Variants in SRPK2 observed in about 807,000 individuals in gnomAD.
SRPK2 encodes the protein SFRS protein kinase 2.
A neutral mutation model predicts 90.8 loss-of-function variants in SRPK2; 21 were observed. The observed-to-expected ratio is 0.23, with a 90% CI of 0.16 to 0.33. The LOEUF (loss-of-function observed/expected upper bound fraction) is 0.33, where lower values mean the gene tolerates loss of function less well. Ranked by LOEUF, SRPK2 falls within the 10% of genes least tolerant of loss-of-function variation. The pLI is 1.00. For missense variants in SRPK2, 620 were observed against 869.0 expected, an observed-to-expected ratio of 0.71 and a Z score of 3.60; for synonymous variants, 288 against 311.1, an observed-to-expected ratio of 0.93 and a Z score of 0.78.
intron 2 of SRPK2, among the ~76,000 whole-genome samples, chr7:105,269,477 G>A (rs554606000): frequency 1.6e-4 from 24 of 152,232 alleles, no homozygotes; most frequent in African/African-American, 4.8e-4. Context: ...AGAGACTTCT[G>A]ATTTTATACC....
rs1175577308 is a variant in SRPK2, at chr7:105,117,944, T to C, written c.1994A>G (p.Glu665Gly). The C allele has an allele frequency of 6.2e-7, 1 of 1,614,206 alleles. No individual in the cohort carries two copies. Among genetic ancestry groups the C allele is most frequent in the Admixed American group, 1.7e-5 (1 of 60,032 alleles). The change falls in exon 16 of 16, where the codon GAA (glutamate) becomes GGA (glycine). Residue 665 changes from glutamate (E) to glycine (G), a missense_variant. This residue lies in a region of SRPK2 where 71 missense variants were observed against 123.1 expected (regional missense o/e 0.58). Coordinates refer to ENST00000393651, the MANE Select transcript of SRPK2 (RefSeq NM_182692.3). ...GAAATCTGTAAACTGTGCAGCATCTTCATGGGGCCAGCCATACTTTTCCAC... is the reference window on the plus strand; with the variant it reads ...GAAATCTGTAAACTGTGCAGCATCTCCATGGGGCCAGCCATACTTTTCCAC... ...VLVEKYGWPH[E>G]DAAQFTDFLI... is the part of the protein sequence containing the mutation.
chr7:105,198,326 T>G (rs920585630), intron 3 of SRPK2, among the ~76,000 whole-genome samples: 1 of 147,154 alleles, frequency 6.8e-6, no homozygotes, highest in Admixed American at 6.9e-5. Context: ...AAAAGGAGGT[T>G]TGGCTGTGAC....
At chr7:105,244,667 C>G (rs1223230159) in intron 2 of SRPK2, 2 of 1,020,196 alleles carry the variant, frequency 2.0e-6, no homozygotes, top group Non-Finnish European at 3.0e-6. Context: ...TCTGCGCTAC[C>G]CTATGGCCGT....
At chr7:105,234,809 A>AG (rs1298359290) in intron 2 of SRPK2, among the ~76,000 whole-genome samples, 2 of 152,182 alleles carry the variant, frequency 1.3e-5, no homozygotes, top group African/African-American at 4.8e-5. Context: ...GGAAAAAAAA[A>AG]GGTTCAGTGT....
intron 2 of SRPK2, among the ~76,000 whole-genome samples, chr7:105,367,856 A>G (rs905813002): frequency 6.6e-6 from 1 of 152,210 alleles, no homozygotes; most frequent in Non-Finnish European, 1.5e-5. Context: ...AAATATTTCT[A>G]GGGTACATAG....
At chr7:105,343,608 T>A (rs953396966) in intron 2 of SRPK2, among the ~76,000 whole-genome samples, 7 of 152,126 alleles carry the variant, frequency 4.6e-5, no homozygotes, top group Admixed American at 1.3e-4. Flanking sequence ...TGTTCATACA[T>A]CCTTTAATTT....
chr7:105,384,880 CCT>C (rs1491395354), intron 2 of SRPK2, among the ~76,000 whole-genome samples: 1 of 145,736 alleles, frequency 6.9e-6, no homozygotes, highest in Non-Finnish European at 1.5e-5. Context: ...CACATAGCAA[CCT>C]TTTTTTTTTT....
intron 2 of SRPK2, among the ~76,000 whole-genome samples, chr7:105,361,248 C>T (rs1818388933): frequency 6.6e-6 from 1 of 152,080 alleles, no homozygotes; most frequent in African/African-American, 2.4e-5. Context: ...AATACAATAC[C>T]TAGGAATCCA....
intron 15 of SRPK2, among the ~76,000 whole-genome samples, chr7:105,118,605 A>G (rs542066572): frequency 6.6e-6 from 1 of 152,208 alleles, no homozygotes; most frequent in Non-Finnish European, 1.5e-5. Flanking sequence ...GAGAAAAAAA[A>G]GGTTATTTTT....
chr7:105,297,390 C>T, intron 2 of SRPK2: 1 of 875,428 alleles, frequency 1.1e-6, no homozygotes, highest in Non-Finnish European at 1.4e-6. Flanking sequence ...ACAGCTATCA[C>T]GTTTTCACTA....
At chr7:105,390,011 C>T (rs1233643319), upstream of SRPK2, among the ~76,000 whole-genome samples, 1 of 152,140 alleles carries the variant, frequency 6.6e-6, no homozygotes, top group African/African-American at 2.4e-5. Context: ...AAGGAAAATA[C>T]AATTAACAGC....
intron 15 of SRPK2, among the ~76,000 whole-genome samples, chr7:105,119,461 T>C (rs1337397693): frequency 1.3e-5 from 2 of 152,200 alleles, no homozygotes; most frequent in Non-Finnish European, 2.9e-5. Flanking sequence ...CACTAGTATG[T>C]CTACAAAGTT....
At chr7:105,314,858 A>G (rs948748084) in intron 2 of SRPK2, among the ~76,000 whole-genome samples, 5 of 152,258 alleles carry the variant, frequency 3.3e-5, no homozygotes, top group African/African-American at 1.2e-4. Context: ...AATGTAGTGA[A>G]ATCTCATTAA....
intron 3 of SRPK2, among the ~76,000 whole-genome samples, chr7:105,190,912 C>A (rs1351555877): frequency 6.6e-6 from 1 of 152,306 alleles, no homozygotes; most frequent in Middle Eastern, 3.4e-3. Context: ...AACATTATTT[C>A]ACCTTGTTTA....
At chr7:105,150,393 G>A (rs977005124) in intron 7 of SRPK2, among the ~76,000 whole-genome samples, 2 of 152,176 alleles carry the variant, frequency 1.3e-5, no homozygotes, top group African/African-American at 4.8e-5. Context: ...TAGTGGCACA[G>A]GCAAGGTAGC....
At chr7:105,118,116 C>A in intron 15 of SRPK2, 94 bp from the exon 16 acceptor site, 1 of 1,293,466 alleles carries the variant, frequency 7.7e-7, no homozygotes, top group African/African-American at 1.5e-5. Flanking sequence ...AAGCGGACAA[C>A]CACCTGCTCA....
intron 3 of SRPK2, among the ~76,000 whole-genome samples, chr7:105,195,444 T>C (rs773809686): frequency 6.6e-6 from 1 of 152,260 alleles, no homozygotes; most frequent in African/African-American, 2.4e-5. Context: ...TTTTTGGTAA[T>C]ATTTTGAAGT....
At position 105,119,109 on chromosome 7, in the gene SRPK2, G is replaced by C. The variant is rs145682424; in HGVS notation, c.1916-1087C>G. 2.2e-3 allele frequency among the ~76,000 whole-genome samples: 336 copies of C among 151,790 alleles called. 1 individual carries two copies. The highest frequency in any genetic ancestry group is 7.8e-3 in the African/African-American group (323 of 41,380). On this transcript the variant is annotated intron_variant, in intron 15 of 15. Transcript: ENST00000393651. ...CCCCCTGTGCCCACACCTCAGAGCA[G>C]CCAGGTCTCGGTGGGGGGAGAGAGG... is the stretch of plus-strand genomic sequence containing the variant.
At position 105,146,624 on chromosome 7, in the gene SRPK2, C is replaced by A; in HGVS notation, c.656G>T (p.Cys219Phe). 6.2e-7 allele frequency: 1 copy of A among 1,614,220 alleles called. No individual in the cohort carries two copies. The highest frequency in any genetic ancestry group is 8.5e-7 in the Non-Finnish European group (1 of 1,180,034). The change falls in exon 8 of 16, where the codon TGC becomes TTC. Residue 219 changes from cysteine to phenylalanine, a missense_variant. Transcript: ENST00000393651. ...LQGLDYLHSK[C>F]KIIHTDIKPE... Reference sequence around the variant, plus strand: ...CTTTATGTCAGTATGAATGATCTTGCACTTACTGTGTAAGTAATCTAACCC... The same window carrying A: ...CTTTATGTCAGTATGAATGATCTTGAACTTACTGTGTAAGTAATCTAACCC...
Sources: allele counts gnomAD v4.1 joint callset (sites outside exome capture counted in the v4.1 genomes callset), GRCh38; gene constraint gnomAD v4.1.1; regional missense constraint gnomAD v4.1.1; transcripts MANE v1.5; gene names NCBI Gene and HGNC (gene_info 2026-07-23, HGNC 2026-07-21).